The following TSPEAR variants were observed in gnomAD, a reference collection of about 807,000 sequenced individuals.
The protein encoded by TSPEAR is thrombospondin-type laminin G domain and EAR repeat-containing protein.
TSPEAR carries 69 observed loss-of-function variants against 71.6 expected under a neutral mutation model. The ratio of observed to expected loss-of-function variants is 0.96; its 90% CI spans 0.79 to 1.18. TSPEAR has a LOEUF of 1.18. TSPEAR is among the 50% of genes most tolerant of loss of function. TSPEAR has a pLI of 0.00. For missense variants in TSPEAR, 971 were observed against 894.9 expected (o/e 1.09, Z -1.09); for synonymous variants, 402 against 387.2 (o/e 1.04, Z -0.45).
chr21:44,538,525 C>T (rs1160973381), intron 2 of TSPEAR, among the ~76,000 whole-genome samples: 2 of 152,034 alleles, frequency 1.3e-5, no homozygotes, highest in Admixed American at 1.3e-4. Context: ...CATCGAGTCC[C>T]TTGTCTCCTG....
At chr21:44,514,694 CA>C (rs1555913140) in intron 9 of TSPEAR, among the ~76,000 whole-genome samples, 3 of 152,214 alleles carry the variant, frequency 2.0e-5, no homozygotes, top group African/African-American at 7.2e-5. Flanking sequence ...CTTCTAGGGA[CA>C]GAGCTCACTC....
intron 11 of TSPEAR, among the ~76,000 whole-genome samples, chr21:44,503,455 A>G (rs868963736): frequency 2.3e-3 from 185 of 79,960 alleles, no homozygotes; most frequent in African/African-American, 3.2e-3. Flanking sequence ...TCTGGGAGGA[A>G]GCCGGCCTCG....
At chr21:44,654,383 G>T (rs1984998424) in intron 1 of TSPEAR, 2 of 1,614,062 alleles carry the variant, frequency 1.2e-6, no homozygotes, top group South Asian at 1.1e-5. Context: ...CACAAAACAG[G>T]CTTGCAGCTC....
intron 1 of TSPEAR, among the ~76,000 whole-genome samples, chr21:44,639,699 G>A (rs1006133751): frequency 6.6e-6 from 1 of 152,218 alleles, no homozygotes; most frequent in Non-Finnish European, 1.5e-5. Flanking sequence ...CCCCACACAT[G>A]CATGTCTGAG....
chr21:44,637,763 G>A lies in TSPEAR; in HGVS notation c.83-69758C>T, dbSNP rs60500206. 1.2e-3 allele frequency: 1,563 copies of A among 1,353,092 alleles called. 18 individuals carry two copies. In the African/African-American group the frequency reaches 0.021, roughly 18 times the overall value. 83.8% of individuals were successfully genotyped at this position (1,353,092 alleles called of 1,614,324 possible). On this transcript the variant is annotated intron_variant, in intron 1 of 11. Transcript: ENST00000323084. ...CGTCTGTAACAAGCCTGTGTGCTTC[G>A]TGCCTACCTGCTCCGAGTCTTCCCC...
At chr21:44,579,545 A>C in intron 1 of TSPEAR, 1 of 612,558 alleles carries the variant, frequency 1.6e-6, no homozygotes, top group Non-Finnish European at 2.8e-6. Flanking sequence ...AGAAGCTGGG[A>C]GGGAGGACAG....
chr21:44,626,417 A>T (rs1982782468), intron 1 of TSPEAR, among the ~76,000 whole-genome samples: 2 of 152,152 alleles, frequency 1.3e-5, no homozygotes, highest in Non-Finnish European at 2.9e-5. Context: ...CACACGGAGG[A>T]GATGGCTCCA....
chr21:44,550,291 A>G (rs1276327418), intron 2 of TSPEAR: 6 of 258,604 alleles, frequency 2.3e-5, no homozygotes, highest in Non-Finnish European at 3.8e-5. Context: ...CCAGCCCCCC[A>G]GAGCCAGGCC....
chr21:44,539,409 C>T lies in TSPEAR; in HGVS notation c.304-5486G>A, dbSNP rs200819866. 7.8e-4 allele frequency: 1,257 copies of T among 1,602,146 alleles called. 4 individuals carry two copies. The highest frequency in any genetic ancestry group is 4.2e-3 in the African/African-American group (313 of 74,616). On this transcript the variant is annotated intron_variant, in intron 2 of 11. Coordinates refer to ENST00000323084, the MANE Select transcript of TSPEAR (RefSeq NM_144991.3). ...GAGGCAGGGGCACAGCAGGAGGAGA[C>T]AGGCATACAGCAGGCGGGCCGGCAT... is the stretch of plus-strand genomic sequence containing the variant.
intron 8 of TSPEAR, among the ~76,000 whole-genome samples, chr21:44,524,214 ATCAGTCAG>A (rs113786769): frequency 0.028 from 4,197 of 148,086 alleles, 203 homozygotes; most frequent in African/African-American, 0.099. Context: ...TAGTCACTCC[ATCAGTCAG>A]TCAGTCAGTC....
intron 9 of TSPEAR, among the ~76,000 whole-genome samples, chr21:44,512,704 A>G (rs1555912881): frequency 6.6e-6 from 1 of 152,104 alleles, no homozygotes; most frequent in African/African-American, 2.4e-5. Flanking sequence ...ATGGGGTGGC[A>G]GGGAGCAAAC....
chr21:44,707,362 C>T lies in TSPEAR; in HGVS notation c.82+4071G>A, dbSNP rs561497331. 1.5e-4 allele frequency among the ~76,000 whole-genome samples: 22 copies of T among 151,240 alleles called. No individual in the cohort carries two copies. In the South Asian group the frequency reaches 2.9e-3, roughly 20 times the overall value. ...GAAGGGTGAGGGGTAGTGGCAGAGG[C>T]GGAGGCCGAGGCCACGCAGCTGCGG... On this transcript the variant is annotated intron_variant, in intron 1 of 11. Coordinates refer to ENST00000323084, the MANE Select transcript of TSPEAR (RefSeq NM_144991.3).
At chr21:44,551,523 T>G (rs587627230) in intron 2 of TSPEAR, 1 of 1,539,114 alleles carries the variant, frequency 6.5e-7, no homozygotes, top group East Asian at 2.3e-5. Flanking sequence ...TGTGAGTGTG[T>G]GAGTGAGTGT....
chr21:44,611,599 G>T (rs1244146212), intron 1 of TSPEAR, among the ~76,000 whole-genome samples: 2 of 152,156 alleles, frequency 1.3e-5, no homozygotes, highest in African/African-American at 4.8e-5. Flanking sequence ...GGTAGGGGTG[G>T]CAGGGTGGGG....
At chr21:44,539,168 G>C (rs1478712740) in intron 2 of TSPEAR, 3 of 1,413,410 alleles carry the variant, frequency 2.1e-6, no homozygotes, top group Non-Finnish European at 2.8e-6. Context: ...AGGAGGGGGG[G>C]TCACCTCAGC....
Position 44,676,772 on chromosome 21 carries a change from C to T in TSPEAR, c.82+34661G>A, listed in dbSNP as rs587647693. On this transcript the variant is annotated intron_variant, in intron 1 of 11. Transcript: ENST00000323084. ...TCCTATTCAGCCTGCATTTTACTTC[C>T]ATGATGTTCTAATGCTTTTGCTACT... 1.8e-5 allele frequency: 15 copies of T among 839,116 alleles called. No individual in the cohort carries two copies. In the African/African-American group the frequency reaches 2.3e-4, roughly 13 times the overall value. The allele number at this position is 839,116 out of a possible 1,614,324, so 52.0% of individuals were successfully genotyped here.
chr21:44,538,567 G>C (rs1226532287), intron 2 of TSPEAR, among the ~76,000 whole-genome samples: 6 of 146,812 alleles, frequency 4.1e-5, no homozygotes, highest in Non-Finnish European at 6.0e-5. Flanking sequence ...CTCTCCCCTC[G>C]CATTGCTGCT....
At chr21:44,647,366 C>T (rs782770425) in intron 1 of TSPEAR, 8 of 1,611,064 alleles carry the variant, frequency 5.0e-6, no homozygotes, top group African/African-American at 2.7e-5. Context: ...GTGCTCAATC[C>T]TTGTCTCCTG....
chr21:44,551,124 G>C, intron 2 of TSPEAR: 1 of 1,562,570 alleles, frequency 6.4e-7, no homozygotes, highest in Non-Finnish European at 8.7e-7. Context: ...ACAGCAGACG[G>C]GCACACAGCA....
Sources: allele counts gnomAD v4.1 joint callset (sites outside exome capture counted in the v4.1 genomes callset), GRCh38; gene constraint gnomAD v4.1.1; transcripts MANE v1.5; gene names NCBI Gene and HGNC (gene_info 2026-07-23, HGNC 2026-07-21).